Variants in RSF1 observed in about 807,000 individuals in gnomAD.
RSF1 encodes remodeling and spacing factor 1.
Under a neutral mutation model 145.2 loss-of-function variants are expected in RSF1, and 13 were observed. That is an observed-to-expected ratio of 0.09 (90% CI 0.06 to 0.14). The LOEUF is 0.14. Among genes scored for constraint, RSF1 ranks in the 10% least tolerant of loss-of-function variants. The pLI is 1.00. For missense variants in RSF1, 1,517 were observed against 1,718.2 expected, an observed-to-expected ratio of 0.88 and a Z score of 2.07; for synonymous variants, 577 against 592.6, an observed-to-expected ratio of 0.97 and a Z score of 0.38.
At position 77,665,262 on chromosome 11, in the gene RSF1, T is replaced by G. The variant is rs1267716332; in HGVS notation, c.*1655A>C. 1.3e-5 allele frequency: 2 copies of G among 152,180 alleles called. No homozygotes were observed. The highest frequency in any genetic ancestry group is 1.3e-4 in the Admixed American group (2 of 15,278). 9.4% of individuals were successfully genotyped at this position (152,180 alleles called of 1,614,324 possible). On this transcript the variant is annotated 3_prime_UTR_variant, in exon 16 of 16. Coordinates refer to ENST00000308488, the MANE Select transcript of RSF1 (RefSeq NM_016578.4). ...ACACTGACTAGCACATAATACTTAA[T>G]TTGGAAAGAAAAATTAATGACGTTC...
chr11:77,808,024 TA>T (rs1213583933), intron 1 of RSF1, among the ~76,000 whole-genome samples: 3 of 152,084 alleles, frequency 2.0e-5, no homozygotes, highest in Admixed American at 1.3e-4. Context: ...CCAATCCCAT[TA>T]AAAAAATTTT....
intron 1 of RSF1, among the ~76,000 whole-genome samples, chr11:77,795,057 A>C (rs946927035): frequency 6.6e-6 from 1 of 152,206 alleles, no homozygotes; most frequent in African/African-American, 2.4e-5. Flanking sequence ...CAATAACGCA[A>C]GAGCGAAAAA....
At chr11:77,820,454 G>A in intron 1 of RSF1, 74 bp downstream of exon 1, 3 of 1,445,266 alleles carry the variant, frequency 2.1e-6, no homozygotes, top group Non-Finnish European at 1.9e-6. Flanking sequence ...CGAAGAACCG[G>A]GGCGCCTGTG....
intron 5 of RSF1, among the ~76,000 whole-genome samples, chr11:77,719,694 A>T (rs1960900092): frequency 6.6e-6 from 1 of 152,226 alleles, no homozygotes; most frequent in Admixed American, 6.5e-5. Context: ...GAAAAATCCA[A>T]ATGTCCATCA....
intron 1 of RSF1, among the ~76,000 whole-genome samples, chr11:77,773,517 C>G (rs1217072516): frequency 6.6e-6 from 1 of 152,158 alleles, no homozygotes; most frequent in Non-Finnish European, 1.5e-5. Context: ...TCCTCTAAAT[C>G]TAACTTAACC....
Position 77,667,131 on chromosome 11 carries a change from G to A in RSF1, c.4112C>T (p.Thr1371Ile). The A allele has an allele frequency of 6.2e-7, 1 of 1,614,184 alleles. No homozygotes were observed. The highest frequency in any genetic ancestry group is 8.5e-7 in the Non-Finnish European group (1 of 1,180,040). ...GGCTTTGCCAGGGCTCTGTCCATTG[G>A]TTGAAGGTAAGTCCACTAAGCTATA... ...LDYSLVDLPS[T>I]NGQSPGKAIE... The change falls in exon 16 of 16, where the codon ACC becomes ATC. Residue 1371 changes from threonine (T) to isoleucine (I), a missense_variant. Thr to Ile is a moderately conservative substitution (Grantham distance 89, BLOSUM62 -1). This residue lies in a region of RSF1 where 240 missense variants were observed against 231.8 expected (regional missense o/e 1.04). Coordinates refer to ENST00000308488, the MANE Select transcript of RSF1 (RefSeq NM_016578.4).
rs1416754394 is a variant in RSF1, at chr11:77,676,974, G to A, written c.3159C>T (p.Ser1053=). The change falls in exon 13 of 16, where the codon TCC becomes TCT. Residue 1053 remains serine (S), a synonymous_variant. Transcript: ENST00000308488. ...GGGVGRGKDI[S]TITGHRGKDI... is the part of the protein sequence containing the mutation. ...CTTTCCCACGATGACCTGTGATGGT[G>A]GAGATATCTTTTCCTCGGCCAACTC... 1 of 1,612,720 alleles carries A rather than the reference G, an allele frequency of 6.2e-7. No individual in the cohort carries two copies. The highest frequency in any genetic ancestry group is 2.2e-5 in the East Asian group (1 of 44,844).
intron 1 of RSF1, among the ~76,000 whole-genome samples, chr11:77,808,280 C>A (rs933284085): frequency 1.3e-5 from 2 of 151,700 alleles, no homozygotes; most frequent in East Asian, 3.9e-4. Context: ...TGCAGTGAGC[C>A]GAGATCATGC....
chr11:77,805,237 G>C (rs1202087473), intron 1 of RSF1, among the ~76,000 whole-genome samples: 1 of 152,108 alleles, frequency 6.6e-6, no homozygotes, highest in Non-Finnish European at 1.5e-5. Flanking sequence ...TGGAGGCTGA[G>C]GTGGGTGGAT....
At position 77,664,353 on chromosome 11, in the gene RSF1, T is replaced by TGA. The variant is rs1959309768; in HGVS notation, c.*2563_*2564insTC. 1 of 152,186 alleles carries TGA rather than the reference T, an allele frequency of 6.6e-6. No individual in the cohort carries two copies. Among genetic ancestry groups the TGA allele is most frequent in the Non-Finnish European group, 1.5e-5 (1 of 68,030 alleles). The allele number at this position is 152,186 out of a possible 1,614,324, so 9.4% of individuals were successfully genotyped here. A position where few individuals can be genotyped will look rare whatever the true frequency, so the allele number is the denominator to read the frequency against. Reference sequence around the variant, plus strand: ...ATTCACTATCAAGTTGACGAACACTTATTCAAGTTTGGTAAATATCAGGCA... The same window carrying TGA: ...ATTCACTATCAAGTTGACGAACACTTGAATTCAAGTTTGGTAAATATCAGGCA... On this transcript the variant is annotated 3_prime_UTR_variant, in exon 16 of 16. Transcript: ENST00000308488.
rs994126565 is a variant in RSF1, at chr11:77,661,926, CACTT to C, written c.*4987_*4990del. 1.2e-4 allele frequency: 18 copies of C among 151,928 alleles called. No homozygotes were observed. Among genetic ancestry groups the C allele is most frequent in the African/African-American group, 3.9e-4 (16 of 41,380 alleles). The allele number at this position is 151,928 out of a possible 1,614,324, so 9.4% of individuals were successfully genotyped here. ...ATACAGATCAAACAAAACCGCAAAA[CACTT>C]AAATTAGATTTCTTTAGAAACTGAT... is the stretch of plus-strand genomic sequence containing the variant. On this transcript the variant is annotated 3_prime_UTR_variant, in exon 16 of 16. Transcript: ENST00000308488.
intron 1 of RSF1, among the ~76,000 whole-genome samples, chr11:77,819,718 TG>T (rs938593525): frequency 7.3e-5 from 11 of 151,268 alleles, no homozygotes; most frequent in African/African-American, 2.2e-4. Context: ...GCTGCCAAGA[TG>T]AAGGGGGAAG....
rs117906239 is a variant in RSF1, at chr11:77,750,892, G to A, written c.280-3764C>T. Among the ~76,000 whole-genome samples the A allele has an allele frequency of 6.9e-3, 1,046 of 152,062 alleles. 3 individuals are homozygous for A. Among genetic ancestry groups the A allele is most frequent in the Non-Finnish European group, 0.012 (848 of 67,998 alleles). On this transcript the variant is annotated intron_variant, in intron 2 of 15. Coordinates refer to ENST00000308488, the MANE Select transcript of RSF1 (RefSeq NM_016578.4). ...TAGCTGATAGGTCAGGTCCTATTGCGTTCTCCTGCTTGGTGCCTGAGGGAC... is the reference window on the plus strand; with the variant it reads ...TAGCTGATAGGTCAGGTCCTATTGCATTCTCCTGCTTGGTGCCTGAGGGAC...
chr11:77,735,729 C>T (rs1226640519), intron 4 of RSF1, among the ~76,000 whole-genome samples: 1 of 152,072 alleles, frequency 6.6e-6, no homozygotes, highest in Non-Finnish European at 1.5e-5. Context: ...CTTCCCTTAT[C>T]ACTTAATTTT....
rs573356792 is a variant in RSF1, at chr11:77,674,895, A to G, written c.3562+141T>C. On this transcript the variant is annotated intron_variant, in intron 14 of 15. Coordinates refer to ENST00000308488, the MANE Select transcript of RSF1 (RefSeq NM_016578.4). ...ATGCCTGTAATCCCAGCTACTTGGG[A>G]GGCTGAGGTAGGAGAATCGCTTGAA... is the stretch of plus-strand genomic sequence containing the variant. 578 of 603,332 alleles carry G rather than the reference A, an allele frequency of 9.6e-4. 8 individuals carry two copies. The African/African-American group carries it at 0.01, about 10-fold the overall frequency. 37.4% of individuals were successfully genotyped at this position (603,332 alleles called of 1,614,324 possible).
chr11:77,787,529 A>G (rs1036964984), intron 1 of RSF1, among the ~76,000 whole-genome samples: 3 of 152,202 alleles, frequency 2.0e-5, no homozygotes, highest in African/African-American at 7.2e-5. Flanking sequence ...GATAGCTGAC[A>G]CACAAACTGT....
chr11:77,665,871 A>C lies in RSF1; in HGVS notation c.*1046T>G, dbSNP rs937188234. On this transcript the variant is annotated 3_prime_UTR_variant, in exon 16 of 16. Coordinates refer to ENST00000308488, the MANE Select transcript of RSF1 (RefSeq NM_016578.4). ...AGACTTCAATTTGAAGTAGATACTA[A>C]GGGCAAGAATAGACCAGTTAAAATT... is the stretch of plus-strand genomic sequence containing the variant. The C allele has an allele frequency of 1.3e-5, 2 of 152,218 alleles. No homozygotes were observed. The highest frequency in any genetic ancestry group is 4.8e-5 in the African/African-American group (2 of 41,458). 9.4% of individuals were successfully genotyped at this position (152,218 alleles called of 1,614,324 possible).
At chr11:77,840,208 A>AACTTTC in the RSF1 span, among the ~76,000 whole-genome samples, 1 of 152,146 alleles carries the variant, frequency 6.6e-6, no homozygotes, top group East Asian at 1.9e-4. Flanking sequence ...GGAGCAAGGA[A>AACTTTC]ACTTTCACTT....
intron 5 of RSF1, among the ~76,000 whole-genome samples, chr11:77,713,657 A>G (rs936121960): frequency 1.3e-5 from 2 of 152,132 alleles, no homozygotes; most frequent in Non-Finnish European, 2.9e-5. Context: ...TATTTTCAGT[A>G]TAGCATTTTC....
Sources: allele counts gnomAD v4.1 joint callset (sites outside exome capture counted in the v4.1 genomes callset), GRCh38; gene constraint gnomAD v4.1.1; regional missense constraint gnomAD v4.1.1; transcripts MANE v1.5; gene names NCBI Gene and HGNC (gene_info 2026-07-23, HGNC 2026-07-21).